The following VAPA variants were observed in gnomAD, a reference collection of about 807,000 sequenced individuals.
VAPA encodes the protein vesicle-associated membrane protein-associated protein A.
VAPA carries 6 observed loss-of-function variants against 25.6 expected under a neutral mutation model. That is an observed-to-expected ratio of 0.23 (90% CI 0.13 to 0.46). The LOEUF (loss-of-function observed/expected upper bound fraction) is 0.46. Ranked by LOEUF, VAPA falls within the 20% of genes least tolerant of loss-of-function variation. The probability of loss-of-function intolerance (pLI) is 0.99; values close to 1 mark genes in which losing one functional copy is unlikely to be tolerated. For synonymous variants in VAPA, 112 were observed against 106.2 expected, an observed-to-expected ratio of 1.05 and a Z score of -0.34; for missense variants, 244 against 302.1, an observed-to-expected ratio of 0.81 and a Z score of 1.43.
chr18:9,931,246 ATGT>A (rs2069251728), intron 1 of VAPA, among the ~76,000 whole-genome samples: 1 of 152,158 alleles, frequency 6.6e-6, no homozygotes, highest in South Asian at 2.1e-4. Flanking sequence ...TTGTAATTTT[ATGT>A]TGTTTGGGTG....
chr18:9,947,881 TC>T (rs920546995), intron 4 of VAPA: 5 of 151,808 alleles, frequency 3.3e-5, no homozygotes, highest in African/African-American at 1.2e-4. Context: ...CCATCACACT[TC>T]CCCCCATTAC....
rs1174454738 is a variant in VAPA at position 9,955,735 on chromosome 18, A to G, written c.*1524A>G. On this transcript the variant is annotated 3_prime_UTR_variant, in exon 6 of 6. Coordinates refer to ENST00000400000, the MANE Select transcript of VAPA (RefSeq NM_194434.3). Reference sequence around the variant, plus strand: ...CTGTGTTTTGAATTTGTCAGATCACACATATATTGTGTTATTGGGCGCTGT... The same window carrying G: ...CTGTGTTTTGAATTTGTCAGATCACGCATATATTGTGTTATTGGGCGCTGT... 1.3e-5 allele frequency: 2 copies of G among 152,196 alleles called. No homozygotes were observed. Among genetic ancestry groups the G allele is most frequent in the African/African-American group, 4.8e-5 (2 of 41,452 alleles). 9.4% of individuals were successfully genotyped at this position (152,196 alleles called of 1,614,324 possible). A position where few individuals can be genotyped will look rare whatever the true frequency, so the allele number is the denominator to read the frequency against.
At chr18:9,948,453 TTTCCC>T (rs1340121645) in intron 4 of VAPA, 1 of 152,226 alleles carries the variant, frequency 6.6e-6, no homozygotes, top group Non-Finnish European at 1.5e-5. Flanking sequence ...GAAATGACTT[TTTCCC>T]TTCCCTCCGT....
At position 9,956,144 on chromosome 18, in the gene VAPA, A is replaced by G. The variant is rs2069548172; in HGVS notation, c.*1933A>G. The stretch of plus-strand genomic sequence containing the variant: ...TCATTTTGTTCAGCCCCTTTGTTCT[A>G]TGGTTGAGAAATCTGAGGCCTTACG... On this transcript the variant is annotated 3_prime_UTR_variant, in exon 6 of 6. Transcript: ENST00000400000. 1 of 152,030 alleles carries G rather than the reference A, an allele frequency of 6.6e-6. No homozygotes were observed. Among genetic ancestry groups the G allele is most frequent in the Non-Finnish European group, 1.5e-5 (1 of 68,002 alleles). The allele number at this position is 152,030 out of a possible 1,614,324, so 9.4% of individuals were successfully genotyped here. A position where few individuals can be genotyped will look rare whatever the true frequency, so the allele number is the denominator to read the frequency against.
At chr18:9,953,836 T>C (rs113743568) in intron 5 of VAPA, among the ~76,000 whole-genome samples, 17 of 152,334 alleles carry the variant, frequency 1.1e-4, no homozygotes, top group African/African-American at 3.8e-4. Flanking sequence ...GTACAATTCA[T>C]TGATACATAG....
intron 1 of VAPA, among the ~76,000 whole-genome samples, chr18:9,920,310 A>ATTTTT (rs938955671): frequency 6.6e-6 from 1 of 151,176 alleles, no homozygotes; most frequent in African/African-American, 2.4e-5. Flanking sequence ...TCTTTCTTTC[A>ATTTTT]TTTTTTTCTT....
At chr18:9,931,695 G>A (rs1413526952) in intron 1 of VAPA, 115 bp from the exon 2 acceptor site, 1 of 820,918 alleles carries the variant, frequency 1.2e-6, no homozygotes, top group African/African-American at 1.8e-5. Flanking sequence ...GGATATTTAT[G>A]CCTACAAATG....
intron 4 of VAPA, among the ~76,000 whole-genome samples, chr18:9,941,094 C>T (rs1171649240): frequency 7.3e-5 from 11 of 151,392 alleles, no homozygotes; most frequent in Admixed American, 2.0e-4. Context: ...GAAAACGTAA[C>T]GGTAAAGAAA....
At chr18:9,939,252 A>G (rs1303213050) in intron 4 of VAPA, among the ~76,000 whole-genome samples, 1 of 151,230 alleles carries the variant, frequency 6.6e-6, no homozygotes, top group Non-Finnish European at 1.5e-5. Context: ...GCTCACTGCA[A>G]CCTCTGCCTC....
intron 1 of VAPA, among the ~76,000 whole-genome samples, chr18:9,920,741 G>C (rs1318132801): frequency 2.0e-5 from 3 of 152,196 alleles, no homozygotes; most frequent in African/African-American, 7.2e-5. Context: ...AAAATCCACT[G>C]CCTAACTCTC....
rs1042287625 is a variant in VAPA at position 9,958,229 on chromosome 18, A to T, written c.*4018A>T. On this transcript the variant is annotated 3_prime_UTR_variant, in exon 6 of 6. Coordinates refer to ENST00000400000, the MANE Select transcript of VAPA (RefSeq NM_194434.3). The stretch of plus-strand genomic sequence containing the variant: ...CTGTGGTTTATTGAAAACCAAGTAT[A>T]AATGTGACTAAAAGCATTTTGCTTT... 1.4e-4 allele frequency: 22 copies of T among 152,218 alleles called. No homozygotes were observed. The highest frequency in any genetic ancestry group is 5.1e-4 in the African/African-American group (21 of 41,458). The allele number at this position is 152,218 out of a possible 1,614,324, so 9.4% of individuals were successfully genotyped here.
intron 1 of VAPA, among the ~76,000 whole-genome samples, chr18:9,922,009 C>T (rs2143293512): frequency 6.6e-6 from 1 of 152,146 alleles, no homozygotes; most frequent in African/African-American, 2.4e-5. Context: ...GCAGCGGTCT[C>T]ACTCTGACAC....
intron 4 of VAPA, among the ~76,000 whole-genome samples, chr18:9,946,569 G>A (rs1479615200): frequency 6.6e-6 from 1 of 151,654 alleles, no homozygotes; most frequent in Non-Finnish European, 1.5e-5. Flanking sequence ...GCCCAGGGAA[G>A]CCAGAAGATT....
At chr18:9,948,052 CTG>C (rs560744879) in intron 4 of VAPA, 243 of 152,294 alleles carry the variant, frequency 1.6e-3, no homozygotes, top group African/African-American at 5.6e-3. Context: ...TTCGGCTTCA[CTG>C]TATTCTTTGC....
chr18:9,942,500 A>G (rs1385653328), intron 4 of VAPA, among the ~76,000 whole-genome samples: 2 of 152,162 alleles, frequency 1.3e-5, no homozygotes, highest in Non-Finnish European at 2.9e-5. Flanking sequence ...CTTTGCAGAA[A>G]GAAGTACGCT....
chr18:9,927,145 A>G (rs1054846428), intron 1 of VAPA, among the ~76,000 whole-genome samples: 2 of 152,152 alleles, frequency 1.3e-5, no homozygotes, highest in Admixed American at 6.6e-5. Flanking sequence ...AGGAGTGACT[A>G]TATTGGTGTC....
At chr18:9,940,599 A>G (rs1255282729) in intron 4 of VAPA, among the ~76,000 whole-genome samples, 4 of 152,156 alleles carry the variant, frequency 2.6e-5, no homozygotes, top group Non-Finnish European at 4.4e-5. Context: ...ATTGCATTTT[A>G]TGGTTGGATT....
chr18:9,917,808 G>C (rs374623602), intron 1 of VAPA, among the ~76,000 whole-genome samples: 7 of 134,892 alleles, frequency 5.2e-5, no homozygotes, highest in African/African-American at 1.8e-4. Flanking sequence ...AGCACGGGGC[G>C]GGGGGGAAAT....
intron 4 of VAPA, among the ~76,000 whole-genome samples, chr18:9,944,063 G>A (rs2069395819): frequency 1.3e-5 from 2 of 151,384 alleles, no homozygotes; most frequent in African/African-American, 4.8e-5. Context: ...GGGTTTCACC[G>A]TGGTGTCAAT....
Sources: gnomAD v4.1 joint callset for allele counts (sites outside exome capture counted in the v4.1 genomes callset) on GRCh38, gnomAD v4.1.1 for gene constraint, MANE v1.5 for transcripts, NCBI Gene and HGNC (gene_info 2026-07-23, HGNC 2026-07-21) for gene names.